The following SLC35F4 variants were observed in gnomAD, a reference collection of about 807,000 sequenced individuals.
The protein encoded by SLC35F4 is chromosome 14 open reading frame 36.
Under a neutral mutation model 44.2 loss-of-function variants are expected in SLC35F4, and 24 were observed. The ratio of observed to expected loss-of-function variants is 0.54; its 90% CI spans 0.39 to 0.76. SLC35F4 has a LOEUF of 0.76. SLC35F4 is among the 30% of genes least tolerant of loss of function. The probability of loss-of-function intolerance (pLI) is 0.00; values close to 1 mark genes in which losing one functional copy is unlikely to be tolerated. For synonymous variants in SLC35F4, 238 were observed against 223.6 expected (o/e 1.06, Z -0.57); for missense variants, 562 against 586.1 (o/e 0.96, Z 0.42).
At chr14:57,855,744 A>G (rs905926227) in intron 1 of SLC35F4, among the ~76,000 whole-genome samples, 1 of 152,188 alleles carries the variant, frequency 6.6e-6, no homozygotes, top group Non-Finnish European at 1.5e-5. Flanking sequence ...ACACACGTGT[A>G]TTTATTGTGG....
chr14:57,706,398 T>A (rs1356142821), intron 1 of SLC35F4, among the ~76,000 whole-genome samples: 3 of 152,196 alleles, frequency 2.0e-5, no homozygotes, highest in Admixed American at 2.0e-4. Context: ...GACTGTCATA[T>A]ATTCACTTAC....
chr14:57,917,214 C>G (rs1289057930), intron 1 of SLC35F4, among the ~76,000 whole-genome samples: 2 of 152,072 alleles, frequency 1.3e-5, no homozygotes, highest in African/African-American at 4.8e-5. Flanking sequence ...GTGCACACCA[C>G]CACTCCCCAC....
intron 1 of SLC35F4, among the ~76,000 whole-genome samples, chr14:57,662,804 C>T (rs1006485198): frequency 6.6e-6 from 1 of 152,114 alleles, no homozygotes; most frequent in Non-Finnish European, 1.5e-5. Flanking sequence ...CATCCTTTTC[C>T]ACCTGTTATT....
At chr14:57,747,510 T>C (rs1176351601) in intron 1 of SLC35F4, among the ~76,000 whole-genome samples, 1 of 152,162 alleles carries the variant, frequency 6.6e-6, no homozygotes, top group Non-Finnish European at 1.5e-5. Context: ...AGTATGGTAT[T>C]GTGAACCCTA....
chr14:57,609,980 G>A (rs1228254419), intron 1 of SLC35F4, among the ~76,000 whole-genome samples: 1 of 152,208 alleles, frequency 6.6e-6, no homozygotes, highest in Non-Finnish European at 1.5e-5. Context: ...GAGGATAGAA[G>A]TTATCCAGTA....
At chr14:57,885,589 T>A (rs1888629945) in intron 1 of SLC35F4, among the ~76,000 whole-genome samples, 1 of 152,196 alleles carries the variant, frequency 6.6e-6, no homozygotes, top group African/African-American at 2.4e-5. Context: ...TTAGGGCTAT[T>A]TAAAGGTACA....
At chr14:57,670,865 A>G (rs1300971048) in intron 1 of SLC35F4, among the ~76,000 whole-genome samples, 1 of 150,556 alleles carries the variant, frequency 6.6e-6, no homozygotes, top group Non-Finnish European at 1.5e-5. Flanking sequence ...CACAGAAGCT[A>G]TAGAGGACAC....
At chr14:57,808,902 G>A (rs1881649944) in intron 1 of SLC35F4, among the ~76,000 whole-genome samples, 1 of 149,764 alleles carries the variant, frequency 6.7e-6, no homozygotes, top group Non-Finnish European at 1.5e-5. Context: ...AGAGGGAAGT[G>A]CCCTGAAAAA....
At chr14:57,740,327 T>C (rs528675739) in intron 1 of SLC35F4, among the ~76,000 whole-genome samples, 31 of 152,322 alleles carry the variant, frequency 2.0e-4, no homozygotes, top group African/African-American at 7.0e-4. Flanking sequence ...ATTTGGGCTA[T>C]TTTATTTCAG....
At chr14:57,788,504 C>T (rs557420306) in intron 1 of SLC35F4, among the ~76,000 whole-genome samples, 1 of 152,204 alleles carries the variant, frequency 6.6e-6, no homozygotes, top group South Asian at 2.1e-4. Flanking sequence ...CAAGATAGAC[C>T]ATATGATAGG....
At chr14:57,967,742 T>G (rs546714472) in intron 1 of SLC35F4, among the ~76,000 whole-genome samples, 2 of 152,288 alleles carry the variant, frequency 1.3e-5, no homozygotes, top group East Asian at 1.9e-4. Flanking sequence ...AGTTAAAAAT[T>G]ATAAACCTCA....
chr14:57,763,238 C>A (rs1222929964), intron 1 of SLC35F4, among the ~76,000 whole-genome samples: 1 of 152,064 alleles, frequency 6.6e-6, no homozygotes, highest in African/African-American at 2.4e-5. Flanking sequence ...ATGATGCTTT[C>A]TGCCAATATC....
At chr14:57,591,623 G>T (rs2070185303) in intron 2 of SLC35F4, among the ~76,000 whole-genome samples, 2 of 152,198 alleles carry the variant, frequency 1.3e-5, no homozygotes, top group South Asian at 2.1e-4. Flanking sequence ...GAATCAGTAT[G>T]ACTCCAGGGT....
At chr14:57,656,264 C>G (rs184880226) in intron 1 of SLC35F4, among the ~76,000 whole-genome samples, 1 of 151,540 alleles carries the variant, frequency 6.6e-6, no homozygotes, top group Non-Finnish European at 1.5e-5. Context: ...CACTTGGAAA[C>G]TGGCTCCTAT....
intron 1 of SLC35F4, among the ~76,000 whole-genome samples, chr14:57,699,920 C>T (rs1431577944): frequency 6.6e-6 from 1 of 152,146 alleles, no homozygotes; most frequent in Non-Finnish European, 1.5e-5. Context: ...AATTTAAGGT[C>T]TAATTGCACA....
intron 1 of SLC35F4, among the ~76,000 whole-genome samples, chr14:57,658,512 C>T (rs1158462613): frequency 6.6e-6 from 1 of 152,126 alleles, no homozygotes; most frequent in Admixed American, 6.6e-5. Flanking sequence ...GAAGAAGTTC[C>T]TTTAGTGAAA....
intron 1 of SLC35F4, among the ~76,000 whole-genome samples, chr14:57,610,484 A>G (rs915507062): frequency 6.6e-6 from 1 of 152,188 alleles, no homozygotes; most frequent in African/African-American, 2.4e-5. Flanking sequence ...CTGAGCCTTA[A>G]TGAGGTTCAA....
chr14:57,934,601 A>C (rs74054884), intron 1 of SLC35F4, among the ~76,000 whole-genome samples: 1,910 of 152,058 alleles, frequency 0.013, 46 homozygotes, highest in African/African-American at 0.044. Flanking sequence ...GCCAGAAGTA[A>C]GTGGCCAGAA....
At chr14:57,930,890 A>G (rs1205665260) in intron 1 of SLC35F4, among the ~76,000 whole-genome samples, 1 of 152,242 alleles carries the variant, frequency 6.6e-6, no homozygotes, top group South Asian at 2.1e-4. Flanking sequence ...TTGAAAAAGG[A>G]AGAGTAATAA....
Sources: gnomAD v4.1 joint callset for allele counts (sites outside exome capture counted in the v4.1 genomes callset) on GRCh38, gnomAD v4.1.1 for gene constraint, MANE v1.5 for transcripts, NCBI Gene and HGNC (gene_info 2026-07-23, HGNC 2026-07-21) for gene names.